ASCC3: variants seen among roughly 807,000 people sequenced by gnomAD.
ASCC3 encodes ASC-1 complex subunit P200.
ASCC3 carries 158 observed loss-of-function variants against 256.3 expected under a neutral mutation model. That is an observed-to-expected ratio of 0.62 (90% confidence interval 0.54 to 0.70). The LOEUF is 0.70. Among genes scored for constraint, ASCC3 ranks in the 30% least tolerant of loss-of-function variants. The pLI is 0.00. For missense variants in ASCC3, 2,259 were observed against 2,626.0 expected, an observed-to-expected ratio of 0.86 and a Z score of 3.05; for synonymous variants, 948 against 883.4, an observed-to-expected ratio of 1.07 and a Z score of -1.30.
At chr6:100,703,334 A>T (rs894740273) in intron 13 of ASCC3, among the ~76,000 whole-genome samples, 17 of 152,104 alleles carry the variant, frequency 1.1e-4, no homozygotes, top group African/African-American at 4.1e-4. Context: ...AGTACCATTT[A>T]GCAATGACCA....
chr6:100,863,529 G>A (rs182924822), intron 3 of ASCC3, among the ~76,000 whole-genome samples: 1 of 152,180 alleles, frequency 6.6e-6, no homozygotes, highest in East Asian at 1.9e-4. Flanking sequence ...AATCCTTCAT[G>A]CTAGATAGTA....
chr6:100,621,778 T>A (rs1389434827), intron 30 of ASCC3, among the ~76,000 whole-genome samples: 2 of 152,148 alleles, frequency 1.3e-5, no homozygotes, highest in Non-Finnish European at 2.9e-5. Flanking sequence ...ATTATAAAGA[T>A]ACGTGCACAC....
intron 17 of ASCC3, among the ~76,000 whole-genome samples, chr6:100,654,027 T>C (rs1775802059): frequency 1.3e-5 from 2 of 152,040 alleles, no homozygotes; most frequent in Non-Finnish European, 2.9e-5. Context: ...GTACAAAATA[T>C]AGCTAAAATA....
chr6:100,861,788 TC>T (rs1773237703), intron 3 of ASCC3, among the ~76,000 whole-genome samples: 3 of 152,130 alleles, frequency 2.0e-5, no homozygotes, highest in African/African-American at 7.2e-5. Context: ...GATATTTACT[TC>T]ACCACAGGTA....
At chr6:100,801,552 C>T (rs1413809342) in intron 5 of ASCC3, among the ~76,000 whole-genome samples, 2 of 151,954 alleles carry the variant, frequency 1.3e-5, no homozygotes, top group East Asian at 3.9e-4. Context: ...ATTCTGAATA[C>T]AAGTCATTAA....
chr6:100,531,399 T>A (rs1218299118), intron 37 of ASCC3, among the ~76,000 whole-genome samples: 3 of 152,174 alleles, frequency 2.0e-5, no homozygotes, highest in African/African-American at 7.2e-5. Context: ...GCTGTCTTCA[T>A]CAGAAAACAG....
chr6:100,641,945 T>C (rs889493067), intron 24 of ASCC3, among the ~76,000 whole-genome samples: 5 of 143,916 alleles, frequency 3.5e-5, no homozygotes, highest in African/African-American at 1.3e-4. Context: ...TTCTCACTCA[T>C]AGGTGGGAAT....
At chr6:100,599,970 C>T (rs950979361) in intron 34 of ASCC3, among the ~76,000 whole-genome samples, 7 of 151,582 alleles carry the variant, frequency 4.6e-5, no homozygotes, top group Non-Finnish European at 1.0e-4. Flanking sequence ...TCAATATGAC[C>T]CAGTGAGGGA....
At chr6:100,654,431 T>C (rs1443780494) in intron 17 of ASCC3, among the ~76,000 whole-genome samples, 1 of 152,096 alleles carries the variant, frequency 6.6e-6, no homozygotes, top group African/African-American at 2.4e-5. Context: ...TCAATTGATG[T>C]ATTTATCTTG....
chr6:100,612,273 T>C lies in ASCC3; in HGVS notation c.4786-5185A>G, dbSNP rs1390135927. Among the ~76,000 whole-genome samples, 6 of 151,858 alleles carry C rather than the reference T, an allele frequency of 4.0e-5. No individual in the cohort carries two copies. In the South Asian group the frequency reaches 1.0e-3, roughly 26 times the overall value. On this transcript the variant is annotated intron_variant, in intron 30 of 41. Coordinates refer to ENST00000369162, the MANE Select transcript of ASCC3 (RefSeq NM_006828.4). ...ATAATTCAGTGAGTTGATGACAACGTTGGCACCAAAAGGAGGAGACCAGAT... is the reference window on the plus strand; with the variant it reads ...ATAATTCAGTGAGTTGATGACAACGCTGGCACCAAAAGGAGGAGACCAGAT...
At chr6:100,806,048 C>A (rs1372426874) in intron 4 of ASCC3, among the ~76,000 whole-genome samples, 168 bp from the exon 5 acceptor site, 1 of 151,866 alleles carries the variant, frequency 6.6e-6, no homozygotes, top group Non-Finnish European at 1.5e-5. Flanking sequence ...CTTCACATTG[C>A]CAAGAAGCTT....
chr6:100,658,687 A>C (rs1020050640), intron 16 of ASCC3, among the ~76,000 whole-genome samples: 1 of 151,478 alleles, frequency 6.6e-6, no homozygotes, highest in Non-Finnish European at 1.5e-5. Flanking sequence ...ATAGAATAAC[A>C]ACAGCTTGTC....
intron 8 of ASCC3, among the ~76,000 whole-genome samples, chr6:100,789,566 G>T (rs890438739): frequency 6.6e-6 from 1 of 151,888 alleles, no homozygotes; most frequent in Admixed American, 6.6e-5. Context: ...CAGTGATTAA[G>T]TTTTCTGATT....
At chr6:100,725,336 C>G (rs1409282017) in intron 11 of ASCC3, among the ~76,000 whole-genome samples, 1 of 151,708 alleles carries the variant, frequency 6.6e-6, no homozygotes, top group Non-Finnish European at 1.5e-5. Flanking sequence ...TAGGAATTTA[C>G]CAATTTTGGT....
rs1051062738 is a variant in ASCC3 at position 100,851,757 on chromosome 6, G to C, written c.242-3050C>G. Among the ~76,000 whole-genome samples the C allele has an allele frequency of 3.3e-5, 5 of 152,244 alleles. No individual in the cohort carries two copies. The South Asian group carries it at 1.0e-3, about 32-fold the overall frequency. On this transcript the variant is annotated intron_variant, in intron 3 of 41. Coordinates refer to ENST00000369162, the MANE Select transcript of ASCC3 (RefSeq NM_006828.4). ...GTTTTTCAACAGAGAATCTCTATAT[G>C]CCTTACGGTTCTGGGAGTTCCACCA...
intron 23 of ASCC3, 80 bp from the exon 24 acceptor site, chr6:100,642,829 G>C (rs1350599085): frequency 1.3e-5 from 17 of 1,261,192 alleles, no homozygotes; most frequent in Non-Finnish European, 1.9e-5. Context: ...TAAGATAACG[G>C]TATCTCTACA....
intron 1 of ASCC3, among the ~76,000 whole-genome samples, chr6:100,880,517 T>C (rs533366150): frequency 2.0e-5 from 3 of 152,260 alleles, no homozygotes; most frequent in Non-Finnish European, 2.9e-5. Context: ...AGAAACCTAT[T>C]TGAAATGACT....
chr6:100,810,260 C>G (rs1770397122), intron 4 of ASCC3, among the ~76,000 whole-genome samples: 1 of 152,088 alleles, frequency 6.6e-6, no homozygotes, highest in South Asian at 2.1e-4. Context: ...CCTTTCTAAT[C>G]TCCTCAGCAC....
intron 34 of ASCC3, among the ~76,000 whole-genome samples, chr6:100,594,664 C>T (rs1413387745): frequency 6.6e-6 from 1 of 152,036 alleles, no homozygotes; most frequent in Non-Finnish European, 1.5e-5. Flanking sequence ...GCATATGATC[C>T]AGCAATCCCA....
Sources: gnomAD v4.1 joint callset for allele counts (sites outside exome capture counted in the v4.1 genomes callset) on GRCh38, gnomAD v4.1.1 for gene constraint, MANE v1.5 for transcripts, NCBI Gene and HGNC (gene_info 2026-07-23, HGNC 2026-07-21) for gene names.